Variants in CDK8 observed in about 807,000 individuals in gnomAD.
The protein encoded by CDK8 is cyclin-dependent kinase 8.
In CDK8, 29 loss-of-function variants were observed where a neutral mutation model predicts 71.5. The ratio of observed to expected loss-of-function variants is 0.41; its 90% CI spans 0.30 to 0.55. CDK8 has a LOEUF of 0.55. Ranked by LOEUF, CDK8 falls within the 20% of genes least tolerant of loss-of-function variation. CDK8 has a pLI of 0.37. For synonymous variants in CDK8, 161 were observed against 192.1 expected (o/e 0.84, Z 1.34); for missense variants, 288 against 572.6 (o/e 0.50, Z 5.07).
chr13:26,398,604 G>A (rs980746230), intron 9 of CDK8, among the ~76,000 whole-genome samples: 3 of 152,172 alleles, frequency 2.0e-5, no homozygotes, highest in Admixed American at 2.0e-4. Context: ...AAATAAAATT[G>A]TGCTTTCTCT....
intron 1 of CDK8, among the ~76,000 whole-genome samples, chr13:26,280,688 A>G (rs927220213): frequency 1.3e-5 from 2 of 152,214 alleles, no homozygotes; most frequent in African/African-American, 4.8e-5. Flanking sequence ...CCTTATTGAT[A>G]TGCGAGATTT....
At chr13:26,369,709 C>CTTTTTTTTTTTTTT (rs36116401) in intron 4 of CDK8, among the ~76,000 whole-genome samples, 1 of 95,384 alleles carries the variant, frequency 1.0e-5, no homozygotes, top group Non-Finnish European at 2.0e-5. Flanking sequence ...TTCTTTCTTT[C>CTTTTTTTTTTTTTT]TTTTTTTTTT....
At chr13:26,261,144 A>G (rs910202526) in intron 1 of CDK8, among the ~76,000 whole-genome samples, 2 of 152,320 alleles carry the variant, frequency 1.3e-5, no homozygotes, top group Admixed American at 6.5e-5. Flanking sequence ...TGACCTTAGT[A>G]CTTAAAGACT....
chr13:26,369,526 A>ATTTT (rs1203523401), intron 4 of CDK8, among the ~76,000 whole-genome samples: 27 of 98,440 alleles, frequency 2.7e-4, no homozygotes, highest in Admixed American at 7.0e-4. Context: ...AGGTTGGACG[A>ATTTT]TTTTTTTTTT....
intron 1 of CDK8, among the ~76,000 whole-genome samples, chr13:26,258,370 A>T (rs1871620594): frequency 1.3e-5 from 2 of 152,124 alleles, no homozygotes; most frequent in African/African-American, 4.8e-5. Context: ...GCTTCAATAA[A>T]CTGGTGTACT....
intron 2 of CDK8, among the ~76,000 whole-genome samples, chr13:26,344,746 C>CA (rs1433079262): frequency 0.027 from 3,681 of 134,666 alleles, 142 homozygotes; most frequent in African/African-American, 0.088. Context: ...GAGACTGTCT[C>CA]AAAAAAAAAA....
chr13:26,255,729 G>A lies in CDK8; in HGVS notation c.128+960G>A, dbSNP rs558225034. On this transcript the variant is annotated intron_variant, in intron 1 of 12. Transcript: ENST00000381527. Reference sequence around the variant, plus strand: ...TGACAGAATAGAAAATTATTGAAAAGTCAAAGCTTATTATATAATCCTTGG... The same window carrying A: ...TGACAGAATAGAAAATTATTGAAAAATCAAAGCTTATTATATAATCCTTGG... Among the ~76,000 whole-genome samples the A allele has an allele frequency of 5.2e-3, 798 of 152,292 alleles. 2 individuals carry two copies. The highest frequency in any genetic ancestry group is 8.9e-3 in the Non-Finnish European group (604 of 68,022).
intron 1 of CDK8, among the ~76,000 whole-genome samples, chr13:26,301,141 G>A (rs532597203): frequency 6.7e-6 from 1 of 148,710 alleles, no homozygotes; most frequent in African/African-American, 2.5e-5. Flanking sequence ...TTGGGTAGAT[G>A]TTTGCTTCGG....
intron 2 of CDK8, among the ~76,000 whole-genome samples, chr13:26,347,396 A>G (rs542094561): frequency 1.3e-5 from 2 of 152,200 alleles, no homozygotes; most frequent in Non-Finnish European, 2.9e-5. Flanking sequence ...TGAATGTTGC[A>G]TCTTCTAATG....
At chr13:26,298,089 C>G (rs750003921) in intron 1 of CDK8, among the ~76,000 whole-genome samples, 1 of 152,164 alleles carries the variant, frequency 6.6e-6, no homozygotes, top group South Asian at 2.1e-4. Flanking sequence ...TCCCCGAAGC[C>G]CCATCTCCTC....
chr13:26,394,763 A>C (rs933469963), intron 7 of CDK8, among the ~76,000 whole-genome samples: 9 of 152,188 alleles, frequency 5.9e-5, no homozygotes, highest in Admixed American at 2.6e-4. Context: ...CAGAGGTTAG[A>C]TTTGATAGCT....
chr13:26,327,627 G>A (rs981004297), intron 1 of CDK8, among the ~76,000 whole-genome samples: 14 of 152,222 alleles, frequency 9.2e-5, no homozygotes, highest in Admixed American at 5.2e-4. Flanking sequence ...TCAGGAGTTC[G>A]AGACCAGCCT....
At chr13:26,399,247 T>C (rs1876141568) in intron 9 of CDK8, among the ~76,000 whole-genome samples, 2 of 152,112 alleles carry the variant, frequency 1.3e-5, no homozygotes, top group South Asian at 2.1e-4. Flanking sequence ...TGACCTCAGG[T>C]GATCCATCCA....
At chr13:26,270,709 T>TATC (rs925497618) in intron 1 of CDK8, among the ~76,000 whole-genome samples, 21 of 152,330 alleles carry the variant, frequency 1.4e-4, no homozygotes, top group African/African-American at 5.1e-4. Flanking sequence ...TTGTAGCATA[T>TATC]ATCACATTTT....
intron 1 of CDK8, among the ~76,000 whole-genome samples, chr13:26,255,580 C>T (rs1416914523): frequency 6.6e-6 from 1 of 152,132 alleles, no homozygotes; most frequent in Non-Finnish European, 1.5e-5. Flanking sequence ...TTCATTTTTT[C>T]TCTTTGTCAG....
At chr13:26,269,565 A>T (rs1872199206) in intron 1 of CDK8, among the ~76,000 whole-genome samples, 2 of 151,718 alleles carry the variant, frequency 1.3e-5, no homozygotes, top group Admixed American at 1.3e-4. Flanking sequence ...TTTTTATGGG[A>T]TCATTCTATT....
intron 6 of CDK8, among the ~76,000 whole-genome samples, chr13:26,387,660 A>G (rs1030382941): frequency 3.3e-5 from 5 of 152,128 alleles, no homozygotes; most frequent in African/African-American, 9.7e-5. Flanking sequence ...GCAGCATTGT[A>G]GGGGAAAAGT....
chr13:26,380,983 G>T (rs181323424), intron 4 of CDK8, among the ~76,000 whole-genome samples: 1 of 152,042 alleles, frequency 6.6e-6, no homozygotes, highest in Non-Finnish European at 1.5e-5. Context: ...ATAATTTTCC[G>T]TGTGGAAGGT....
intron 4 of CDK8, 23 bp downstream of exon 4, chr13:26,353,903 TA>T: frequency 6.2e-7 from 1 of 1,607,356 alleles, no homozygotes; most frequent in East Asian, 2.2e-5. Flanking sequence ...GTAATTGGTT[TA>T]AACTAGAAAG....
Sources: gnomAD v4.1 joint callset for allele counts (sites outside exome capture counted in the v4.1 genomes callset) on GRCh38, gnomAD v4.1.1 for gene constraint, MANE v1.5 for transcripts, NCBI Gene and HGNC (gene_info 2026-07-23, HGNC 2026-07-21) for gene names.